ABLIM2: variants seen among roughly 807,000 people sequenced by gnomAD.
ABLIM2 encodes the protein actin binding LIM protein family member 2, also known as actin-binding LIM protein 2.
A neutral mutation model predicts 97.7 loss-of-function variants in ABLIM2; 53 were observed. The ratio of observed to expected loss-of-function variants is 0.54; its 90% confidence interval spans 0.44 to 0.68. The LOEUF (loss-of-function observed/expected upper bound fraction) is 0.68, where lower values mean the gene tolerates loss of function less well. Among genes scored for constraint, ABLIM2 ranks in the 30% least tolerant of loss-of-function variants. The probability of loss-of-function intolerance (pLI) is 0.00; values close to 1 mark genes in which losing one functional copy is unlikely to be tolerated. For missense variants in ABLIM2, 835 were observed against 867.2 expected (o/e 0.96, Z 0.47); for synonymous variants, 361 against 345.8 (o/e 1.04, Z -0.49).
In ABLIM2 at chr4:8,019,004, G is replaced by A. The variant is rs942532814; in HGVS notation, c.1423+614C>T. Among the ~76,000 whole-genome samples, 55 of 152,164 alleles carry A rather than the reference G, an allele frequency of 3.6e-4. No homozygotes were observed. Among genetic ancestry groups the A allele is most frequent in the African/African-American group, 1.2e-3 (50 of 41,442 alleles). On this transcript the variant is annotated intron_variant, in intron 14 of 20. Transcript: ENST00000447017. The surrounding 1 kb of genome is among the most constrained non-coding windows in gnomAD (Gnocchi z 4.3). ...AGAAATCCCAGGAGGAAAGAGAGGG[G>A]AGACCATGTGGCCCCGATTCCTGCT...
intron 1 of ABLIM2, among the ~76,000 whole-genome samples, chr4:8,137,430 C>T (rs886283103): frequency 3.3e-5 from 5 of 152,312 alleles, no homozygotes; most frequent in African/African-American, 1.2e-4. Context: ...GACATCGTGC[C>T]CCATGGGGCA....
rs1188744460 is a variant in ABLIM2 at position 7,970,114 on chromosome 4, C to T, written c.1825-3011G>A. Reference sequence around the variant, plus strand: ...AATCATTTCTAGCTTTATCCAAGACCTGGTGATACCAGACCTTGTTCCAGA... The same window carrying T: ...AATCATTTCTAGCTTTATCCAAGACTTGGTGATACCAGACCTTGTTCCAGA... On this transcript the variant is annotated intron_variant, in intron 20 of 20. Coordinates refer to ENST00000447017, the MANE Select transcript of ABLIM2 (RefSeq NM_001130083.2). This position sits in a 1 kb window ranked among gnomAD's most constrained non-coding sequence, Gnocchi z 5.3. Among the ~76,000 whole-genome samples the T allele has an allele frequency of 2.0e-5, 3 of 152,212 alleles. No homozygotes were observed. Among genetic ancestry groups the T allele is most frequent in the Non-Finnish European group, 4.4e-5 (3 of 68,050 alleles).
chr4:8,134,165 C>G (rs1849841527), intron 1 of ABLIM2, among the ~76,000 whole-genome samples: 1 of 152,204 alleles, frequency 6.6e-6, no homozygotes, highest in South Asian at 2.1e-4. Context: ...GAAACAAAGG[C>G]AAGCGGAGGA....
rs139424308 is a variant in ABLIM2 at position 8,125,910 on chromosome 4, C to T, written c.11-19273G>A. 4.0e-4 allele frequency among the ~76,000 whole-genome samples: 61 copies of T among 152,304 alleles called. 1 individual carries two copies. The East Asian group carries it at 9.9e-3, about 25-fold the overall frequency. On this transcript the variant is annotated intron_variant, in intron 1 of 20. Coordinates refer to ENST00000447017, the MANE Select transcript of ABLIM2 (RefSeq NM_001130083.2). The surrounding 1 kb of genome is among the most constrained non-coding windows in gnomAD (Gnocchi z 6.2). ...GCGTGGGCAGCCTTGGGGGACCCGC[C>T]GCTTTTGGGAACACACCTGCATGTC...
intron 1 of ABLIM2, among the ~76,000 whole-genome samples, chr4:8,145,600 C>T (rs1241169099): frequency 6.6e-6 from 1 of 152,096 alleles, no homozygotes; most frequent in Non-Finnish European, 1.5e-5. Context: ...CTGCTGGAGC[C>T]CTGCTGGGTG....
chr4:8,041,602 A>T (rs1354568721), intron 9 of ABLIM2, among the ~76,000 whole-genome samples: 13 of 131,860 alleles, frequency 9.9e-5, no homozygotes, highest in South Asian at 7.4e-4. Flanking sequence ...CAGTTTGTTT[A>T]AAAAAAAAAA....
Position 7,992,840 on chromosome 4 carries a change from G to C in ABLIM2, c.1680+26C>G, listed in dbSNP as rs1342204109. On this transcript the variant is annotated intron_variant, in intron 17 of 20. Coordinates refer to ENST00000447017, the MANE Select transcript of ABLIM2 (RefSeq NM_001130083.2). The surrounding 1 kb of genome is among the most constrained non-coding windows in gnomAD (Gnocchi z 5.7). Reference sequence around the variant, plus strand: ...GCCTCACAGCAATCGTTAGTACCCTGTGGCCAGGGAGGGGTCAGTACCTAC... The same window carrying C: ...GCCTCACAGCAATCGTTAGTACCCTCTGGCCAGGGAGGGGTCAGTACCTAC... 6.2e-7 allele frequency: 1 copy of C among 1,608,098 alleles called. No homozygotes were observed. The highest frequency in any genetic ancestry group is 8.5e-7 in the Non-Finnish European group (1 of 1,176,594).
intron 1 of ABLIM2, 130 bp from the exon 2 acceptor site, chr4:8,106,767 G>A (rs901988609): frequency 9.6e-5 from 110 of 1,141,462 alleles, no homozygotes; most frequent in East Asian, 1.3e-4. Flanking sequence ...CGAGCCGCAC[G>A]GGGCATCGGG....
At chr4:8,104,929 A>G (rs929883057) in intron 2 of ABLIM2, among the ~76,000 whole-genome samples, 1 of 152,204 alleles carries the variant, frequency 6.6e-6, no homozygotes, top group Non-Finnish European at 1.5e-5. Flanking sequence ...TCCGATGGGC[A>G]GCACTGGAGA....
Position 7,983,542 on chromosome 4 carries a change from C to T in ABLIM2, c.1743+5G>A. 2.5e-6 allele frequency: 4 copies of T among 1,613,198 alleles called. No individual in the cohort carries two copies. The highest frequency in any genetic ancestry group is 3.4e-6 in the Non-Finnish European group (4 of 1,179,704). On this transcript the variant is annotated splice_donor_5th_base_variant and intron_variant, in intron 19 of 20. Transcript: ENST00000447017. ...GGAGGTCAGTGTGGGAGCGGCCCCG[C>T]TTACCTTGTATTCTGTAAGAGAGAG... is the stretch of plus-strand genomic sequence containing the variant.
chr4:8,029,021 G>A (rs1385964816), intron 11 of ABLIM2, among the ~76,000 whole-genome samples: 2 of 152,184 alleles, frequency 1.3e-5, no homozygotes, highest in African/African-American at 4.8e-5. Context: ...GCTTTGACAC[G>A]CTCAGGGGGT....
At chr4:7,983,432 T>C (rs1399253666) in intron 19 of ABLIM2, 88 bp from the exon 20 acceptor site, 1 of 1,576,880 alleles carries the variant, frequency 6.3e-7, no homozygotes, top group Non-Finnish European at 8.6e-7. Flanking sequence ...CGAGAATACA[T>C]ACTTGCGTCT....
In ABLIM2 at chr4:8,046,479, C is replaced by T. The variant is rs1258145198; in HGVS notation, c.823-1238G>A. On this transcript the variant is annotated intron_variant, in intron 8 of 20. Coordinates refer to ENST00000447017, the MANE Select transcript of ABLIM2 (RefSeq NM_001130083.2). This position sits in a 1 kb window ranked among gnomAD's most constrained non-coding sequence, Gnocchi z 4.4. Reference sequence around the variant, plus strand: ...CAGAGGCCTCCCCAGCCCTCAGCAGCCAAGAGCTCAGCCCTCACTCTCCCC... The same window carrying T: ...CAGAGGCCTCCCCAGCCCTCAGCAGTCAAGAGCTCAGCCCTCACTCTCCCC... Among the ~76,000 whole-genome samples the T allele has an allele frequency of 2.0e-5, 3 of 152,196 alleles. No homozygotes were observed. Among genetic ancestry groups the T allele is most frequent in the Admixed American group, 6.5e-5 (1 of 15,290 alleles).
chr4:8,080,684 G>A lies in ABLIM2; in HGVS notation c.573C>T (p.Tyr191=), dbSNP rs768104780. 1.1e-5 allele frequency: 18 copies of A among 1,606,256 alleles called. No homozygotes were observed. The highest frequency in any genetic ancestry group is 1.5e-5 in the Non-Finnish European group (18 of 1,174,788). The part of the protein sequence containing the change: ...KSCGKLLNAE[Y]ISKDGLPYCE... ...GCCCTCCCCCCACTTACTTGCTGAT[G>A]TACTCGGCATTCAGGAGCTTCCCAC... Residue 191 remains tyrosine (Y), a synonymous_variant, in exon 5 of 21, where the codon TAC becomes TAT. Coordinates refer to ENST00000447017, the MANE Select transcript of ABLIM2 (RefSeq NM_001130083.2).
In ABLIM2 at chr4:8,113,565, G is replaced by A. The variant is rs1480460005; in HGVS notation, c.11-6928C>T. ...TCTTGCTTTCCTCATTTGCTCTGGA[G>A]GTAAATCCACCTTGAGAATGGGCAG... On this transcript the variant is annotated intron_variant, in intron 1 of 20. Transcript: ENST00000447017. This position sits in a 1 kb window ranked among gnomAD's most constrained non-coding sequence, Gnocchi z 4.5. Among the ~76,000 whole-genome samples the A allele has an allele frequency of 2.6e-5, 4 of 152,154 alleles. No individual in the cohort carries two copies. Among genetic ancestry groups the A allele is most frequent in the African/African-American group, 9.7e-5 (4 of 41,430 alleles).
Position 7,994,774 on chromosome 4 carries a change from T to TTTTAATGATTG in ABLIM2, c.1619-1848_1619-1847insCAATCATTAAA, listed in dbSNP as rs1752023300. 2.5e-5 allele frequency among the ~76,000 whole-genome samples: 3 copies of TTTTAATGATTG among 117,818 alleles called. 1 individual carries two copies. The highest frequency in any genetic ancestry group is 6.2e-5 in the Non-Finnish European group (3 of 48,564). The allele number at this position is 117,818 out of a possible 152,430, so 77.3% of individuals were successfully genotyped here. ...CTCCAGCACCTGTTGTTTCCTGACT[T>TTTTAATGATTG]CATGTCCAAAACACCAAAAGCAATG... On this transcript the variant is annotated intron_variant, in intron 16 of 20. Transcript: ENST00000447017.
rs1325977523 is a variant in ABLIM2 at position 8,130,037 on chromosome 4, G to T, written c.11-23400C>A. On this transcript the variant is annotated intron_variant, in intron 1 of 20. Transcript: ENST00000447017. The surrounding 1 kb of genome is among the most constrained non-coding windows in gnomAD (Gnocchi z 4.2). ...CTCCCAGCACTCAGCACTGCCTGGG[G>T]TTCCCACGGAGAAGGAGCCTCAGAT... Among the ~76,000 whole-genome samples, 1 of 152,230 alleles carries T rather than the reference G, an allele frequency of 6.6e-6. No individual in the cohort carries two copies. Among genetic ancestry groups the T allele is most frequent in the Non-Finnish European group, 1.5e-5 (1 of 68,030 alleles).
At chr4:8,142,791 C>A (rs1302038470) in intron 1 of ABLIM2, among the ~76,000 whole-genome samples, 3 of 152,206 alleles carry the variant, frequency 2.0e-5, no homozygotes, top group Admixed American at 2.0e-4. Flanking sequence ...ACCAATTGTC[C>A]CCTCTCTGGA....
chr4:8,025,628 G>C (rs1776820862), intron 12 of ABLIM2, among the ~76,000 whole-genome samples: 1 of 152,210 alleles, frequency 6.6e-6, no homozygotes, highest in Non-Finnish European at 1.5e-5. Context: ...TGGACACTCA[G>C]GACGGGGCAG....
Sources: gnomAD v4.1 joint callset for allele counts (sites outside exome capture counted in the v4.1 genomes callset) on GRCh38, gnomAD v4.1.1 for gene constraint, Gnocchi (gnomAD v3.1) non-coding constraint, MANE v1.5 for transcripts, NCBI Gene and HGNC (gene_info 2026-07-23, HGNC 2026-07-21) for gene names.